RFC2: variants seen among roughly 807,000 people sequenced by gnomAD.
RFC2 encodes replication factor C subunit 2.
In RFC2, 34 loss-of-function variants were observed where a neutral mutation model predicts 44.8. The ratio of observed to expected loss-of-function variants is 0.76; its 90% CI spans 0.58 to 1.01. RFC2 has a LOEUF of 1.01. Ranked by LOEUF, RFC2 falls within the 50% of genes least tolerant of loss-of-function variation. The pLI is 0.00. For synonymous variants in RFC2, 177 were observed against 168.9 expected, an observed-to-expected ratio of 1.05 and a Z score of -0.37; for missense variants, 400 against 453.6, an observed-to-expected ratio of 0.88 and a Z score of 1.07.
chr7:74,253,151 T>C (rs1787067171), intron 1 of RFC2, among the ~76,000 whole-genome samples: 1 of 151,974 alleles, frequency 6.6e-6, no homozygotes, highest in African/African-American at 2.4e-5. Flanking sequence ...CATACAGCAC[T>C]GACATCATTT....
chr7:74,242,643 G>A (rs982965476), intron 6 of RFC2, among the ~76,000 whole-genome samples: 4 of 151,664 alleles, frequency 2.6e-5, no homozygotes, highest in Non-Finnish European at 4.4e-5. Context: ...GAGGCCAGGT[G>A]CAGTGGCTCA....
chr7:74,246,800 G>T, intron 4 of RFC2, 37 bp from the exon 5 acceptor site: 1 of 1,379,238 alleles, frequency 7.3e-7, no homozygotes, highest in Non-Finnish European at 1.0e-6. Context: ...CACCTTCTGA[G>T]ACCAATTCAG....
intron 10 of RFC2, 38 bp from the exon 11 acceptor site, chr7:74,232,254 G>A (rs1445753707): frequency 9.3e-7 from 1 of 1,071,742 alleles, no homozygotes; most frequent in Non-Finnish European, 1.4e-6. Context: ...GTTAATAAGT[G>A]GGGGAGTTCT....
chr7:74,239,648 T>A (rs371096235), intron 7 of RFC2, among the ~76,000 whole-genome samples: 96 of 152,252 alleles, frequency 6.3e-4, no homozygotes, highest in African/African-American at 2.2e-3. Context: ...GCTAATTTTT[T>A]AATTTTTTTT....
At chr7:74,241,571 T>C (rs1018169370) in intron 6 of RFC2, among the ~76,000 whole-genome samples, 11 of 152,060 alleles carry the variant, frequency 7.2e-5, no homozygotes, top group Admixed American at 2.0e-4. Flanking sequence ...TGGTTGGGGT[T>C]CAGCAGGGCA....
At chr7:74,250,723 A>C (rs1055315037) in intron 2 of RFC2, among the ~76,000 whole-genome samples, 4 of 152,056 alleles carry the variant, frequency 2.6e-5, no homozygotes, top group Non-Finnish European at 4.4e-5. Context: ...AGTGGTCTCC[A>C]TGCTCCCATT....
intron 2 of RFC2, 48 bp from the exon 3 acceptor site, chr7:74,249,828 G>A (rs1786810566): frequency 2.0e-6 from 3 of 1,493,290 alleles, no homozygotes; most frequent in Non-Finnish European, 2.8e-6. Flanking sequence ...GCTTCTGGAT[G>A]ACTACATAAA....
intron 2 of RFC2, among the ~76,000 whole-genome samples, chr7:74,251,377 G>A (rs1177022243): frequency 6.6e-6 from 1 of 151,872 alleles, no homozygotes; most frequent in Non-Finnish European, 1.5e-5. Flanking sequence ...TTTTCGTAGA[G>A]ACTGGTTTCA....
At chr7:74,233,775 C>A (rs1288000548) in intron 10 of RFC2, 1 of 456,114 alleles carries the variant, frequency 2.2e-6, no homozygotes, top group Admixed American at 2.4e-5. Context: ...CATTACACAC[C>A]TATTAGAATG....
intron 4 of RFC2, among the ~76,000 whole-genome samples, chr7:74,247,361 G>C (rs1803678109): frequency 6.6e-6 from 1 of 152,150 alleles, no homozygotes; most frequent in African/African-American, 2.4e-5. Context: ...CTGCAATGTA[G>C]GCCAAGCATG....
Position 74,235,532 on chromosome 7 carries a change from C to A in RFC2, c.954G>T (p.Lys318Asn). The stretch of plus-strand genomic sequence containing the variant: ...GAGGCATTTCTACATTCTCACCGAC[C>A]TTGATAAACTCCAGTTTCAGGTATT... ...MAEYLKLEFIKEIGYTHMKIA... is the reference protein window; with the variant it reads ...MAEYLKLEFINEIGYTHMKIA... Residue 318 changes from lysine to asparagine, a missense_variant and splice_region_variant, in exon 10 of 11, where the codon AAG becomes AAT. Physicochemically the swap from Lys to Asn is moderately conservative, Grantham distance 94. Transcript: ENST00000055077. 6.4e-7 allele frequency: 1 copy of A among 1,574,080 alleles called. No homozygotes were observed. Among genetic ancestry groups the A allele is most frequent in the South Asian group, 1.1e-5 (1 of 90,244 alleles).
chr7:74,243,237 G>A lies in RFC2; in HGVS notation c.444C>T (p.Asp148=), dbSNP rs781826115. Reference sequence around the variant, plus strand: ...TTCTCCTCAAGGCTTGCTGGGCTCCGTCGGTCATGCTGAGAAGAAAAACAC... The same window carrying A: ...TTCTCCTCAAGGCTTGCTGGGCTCCATCGGTCATGCTGAGAAGAAAAACAC... ...IILDEADSMT[D]GAQQALRRTM... is the part of the protein sequence containing the mutation. The change falls in exon 6 of 11, where the codon GAC becomes GAT. Residue 148 remains aspartate, a synonymous_variant. Coordinates refer to ENST00000055077, the MANE Select transcript of RFC2 (RefSeq NM_181471.3). 1.9e-5 allele frequency: 30 copies of A among 1,612,180 alleles called. No individual in the cohort carries two copies. The East Asian group carries it at 2.5e-4, about 13-fold the overall frequency.
chr7:74,238,834 C>T lies in RFC2; in HGVS notation c.759+89G>A. ...CCACAAGAGCAGCTAGATGTCCGTC[C>T]CCACTGCCAGCCCAGCCCTTCAGCC... On this transcript the variant is annotated intron_variant, in intron 8 of 10. Coordinates refer to ENST00000055077, the MANE Select transcript of RFC2 (RefSeq NM_181471.3). This position sits in a 1 kb window ranked among gnomAD's most constrained non-coding sequence, Gnocchi z 4.0. 9.5e-7 allele frequency: 1 copy of T among 1,051,360 alleles called. No individual in the cohort carries two copies. Among genetic ancestry groups the T allele is most frequent in the Non-Finnish European group, 1.5e-6 (1 of 676,868 alleles). 65.1% of individuals were successfully genotyped at this position (1,051,360 alleles called of 1,614,324 possible).
intron 5 of RFC2, among the ~76,000 whole-genome samples, chr7:74,246,394 A>G (rs1487042671): frequency 1.5e-4 from 22 of 148,412 alleles, no homozygotes; most frequent in African/African-American, 5.3e-4. Context: ...GAGAAACTCC[A>G]TCTCAAAAAA....
At position 74,232,023 on chromosome 7, in the gene RFC2, G is replaced by A. The variant is rs2116234527; in HGVS notation, c.*83C>T. On this transcript the variant is annotated 3_prime_UTR_variant, in exon 11 of 11. Coordinates refer to ENST00000055077, the MANE Select transcript of RFC2 (RefSeq NM_181471.3). ...GACAGTCATGTTGGCTCCAGCCTAA[G>A]GCGGCATTTTCCCCCATCAGAAAGC... is the stretch of plus-strand genomic sequence containing the variant. The A allele has an allele frequency of 2.4e-6, 2 of 820,548 alleles. No homozygotes were observed. The highest frequency in any genetic ancestry group is 1.4e-5 in the South Asian group (1 of 69,700). 50.8% of individuals were successfully genotyped at this position (820,548 alleles called of 1,614,324 possible).
chr7:74,252,478 A>T lies in RFC2; in HGVS notation c.134T>A (p.Val45Glu), dbSNP rs1554721318. 6.2e-7 allele frequency: 1 copy of T among 1,604,568 alleles called. No individual in the cohort carries two copies. Residue 45 changes from valine (V) to glutamate (E), a missense_variant, in exon 2 of 11, where the codon GTA becomes GAA. Val to Glu is a moderately radical substitution (Grantham distance 121, BLOSUM62 -2). Transcript: ENST00000055077. Reference protein sequence around the residue: ...ELPWVEKYRPVKLNEIVGNED... With the variant: ...ELPWVEKYRPEKLNEIVGNED... ...ATTCCCGACAATTTCATTCAGCTTTACTGGCCTATATTTTTCAACCCTGTT... is the reference window on the plus strand; with the variant it reads ...ATTCCCGACAATTTCATTCAGCTTTTCTGGCCTATATTTTTCAACCCTGTT...
intron 10 of RFC2, chr7:74,233,950 C>A (rs1406473032): frequency 2.2e-6 from 1 of 452,486 alleles, no homozygotes; most frequent in Non-Finnish European, 4.5e-6. Context: ...CCCCTGGGAA[C>A]TTACTTGGGA....
At chr7:74,248,124 T>A (rs1490372318) in intron 4 of RFC2, among the ~76,000 whole-genome samples, 1 of 152,008 alleles carries the variant, frequency 6.6e-6, no homozygotes, top group South Asian at 2.1e-4. Flanking sequence ...ATATACAGGC[T>A]GAGTATCCCT....
intron 1 of RFC2, among the ~76,000 whole-genome samples, chr7:74,253,113 C>T (rs1201030929): frequency 1.3e-5 from 2 of 152,212 alleles, no homozygotes; most frequent in African/African-American, 4.8e-5. Context: ...TGCTGCAACC[C>T]TGTCCGCCCG....
Sources: allele counts gnomAD v4.1 joint callset (sites outside exome capture counted in the v4.1 genomes callset), GRCh38; gene constraint gnomAD v4.1.1; non-coding constraint Gnocchi (gnomAD v3.1); transcripts MANE v1.5; gene names NCBI Gene and HGNC (gene_info 2026-07-23, HGNC 2026-07-21).